The following GATAD2A variants were observed in gnomAD, a reference collection of about 807,000 sequenced individuals.
The protein encoded by GATAD2A is transcriptional repressor p66-alpha.
In GATAD2A, 12 loss-of-function variants were observed where a neutral mutation model predicts 68.5. The observed-to-expected ratio is 0.18, with a 90% CI of 0.11 to 0.28. GATAD2A has a LOEUF of 0.28. GATAD2A is among the 10% of genes least tolerant of loss of function. The pLI is 1.00. For synonymous variants in GATAD2A, 410 were observed against 375.3 expected (o/e 1.09, Z -1.07); for missense variants, 755 against 868.5 (o/e 0.87, Z 1.64).
intron 10 of GATAD2A, 47 bp downstream of exon 10, chr19:19,502,090 C>A: frequency 7.1e-7 from 1 of 1,405,004 alleles, no homozygotes; most frequent in Non-Finnish European, 1.0e-6. Flanking sequence ...CCACCGCAGC[C>A]CGTGACCACG....
At position 19,492,673 on chromosome 19, in the gene GATAD2A, G is replaced by A. The variant is rs770341288; in HGVS notation, c.495G>A (p.Leu165=). Residue 165 remains leucine (L), a synonymous_variant, in exon 4 of 12, where the codon TTG becomes TTA. Transcript: ENST00000683918. ...CAAAACTCGTGTTGTTGAAAAAGTTGCGGCAGAGTCAAATACAAAAGGAAG... is the reference window on the plus strand; with the variant it reads ...CAAAACTCGTGTTGTTGAAAAAGTTACGGCAGAGTCAAATACAAAAGGAAG... ...EEAKLVLLKK[L]RQSQIQKEAT... is the part of the protein sequence containing the mutation. 1.5e-5 allele frequency: 24 copies of A among 1,614,076 alleles called. No individual in the cohort carries two copies. The highest frequency in any genetic ancestry group is 1.9e-5 in the Non-Finnish European group (23 of 1,180,038).
At chr19:19,459,396 G>T in intron 1 of GATAD2A, among the ~76,000 whole-genome samples, 1 of 149,824 alleles carries the variant, frequency 6.7e-6, no homozygotes, top group African/African-American at 2.5e-5. Flanking sequence ...CCATGTAAAT[G>T]GTACTATGCT....
intron 1 of GATAD2A, among the ~76,000 whole-genome samples, chr19:19,413,144 TCAAGTTGGTG>T (rs1203412329): frequency 6.6e-6 from 1 of 152,238 alleles, no homozygotes; most frequent in African/African-American, 2.4e-5. Flanking sequence ...TGCTGGGGTT[TCAAGTTGGTG>T]GAATTTGGTG....
chr19:19,496,509 C>T (rs779281489), intron 7 of GATAD2A, among the ~76,000 whole-genome samples: 6 of 152,220 alleles, frequency 3.9e-5, no homozygotes, highest in Non-Finnish European at 8.8e-5. Context: ...TTACCAGCCC[C>T]ATGGCTGAGG....
intron 2 of GATAD2A, 137 bp downstream of exon 2, chr19:19,465,751 C>A: frequency 9.9e-7 from 1 of 1,006,010 alleles, no homozygotes; most frequent in Non-Finnish European, 1.4e-6. Context: ...TCAGCTCGGG[C>A]ATCACCCACC....
intron 1 of GATAD2A, among the ~76,000 whole-genome samples, chr19:19,439,451 A>G (rs569194981): frequency 8.5e-5 from 13 of 152,166 alleles, no homozygotes; most frequent in African/African-American, 3.1e-4. Context: ...TGGGTTGGCA[A>G]GCACATGGAG....
intron 1 of GATAD2A, among the ~76,000 whole-genome samples, chr19:19,399,244 ACTT>A (rs1176854056): frequency 6.8e-6 from 1 of 147,312 alleles, no homozygotes; most frequent in African/African-American, 2.5e-5. Flanking sequence ...ACAAAAACCT[ACTT>A]TTTTTTTTTT....
At chr19:19,391,593 G>T (rs1450770949) in intron 1 of GATAD2A, among the ~76,000 whole-genome samples, 1 of 152,128 alleles carries the variant, frequency 6.6e-6, no homozygotes, top group South Asian at 2.1e-4. Context: ...GGATGGTGGG[G>T]CCACCACCAA....
At chr19:19,498,268 C>T (rs1038098405) in intron 7 of GATAD2A, among the ~76,000 whole-genome samples, 175 bp from the exon 8 acceptor site, 51 of 152,270 alleles carry the variant, frequency 3.3e-4, no homozygotes, top group African/African-American at 1.2e-3. Context: ...GCGCCTCTCC[C>T]TGCTGCCCTG....
intron 1 of GATAD2A, among the ~76,000 whole-genome samples, chr19:19,462,393 C>A (rs1358661279): frequency 6.6e-6 from 1 of 152,196 alleles, no homozygotes; most frequent in Non-Finnish European, 1.5e-5. Flanking sequence ...CACTCGGGGG[C>A]TGGCCCCACC....
At chr19:19,496,365 G>T in intron 7 of GATAD2A, 146 bp downstream of exon 7, 1 of 737,152 alleles carries the variant, frequency 1.4e-6, no homozygotes, top group South Asian at 1.7e-5. Flanking sequence ...GCAGGGGCTT[G>T]GACTTGAGCT....
intron 1 of GATAD2A, among the ~76,000 whole-genome samples, chr19:19,395,705 G>A (rs184439128): frequency 4.1e-4 from 62 of 152,242 alleles, no homozygotes; most frequent in African/African-American, 1.4e-3. Context: ...TAAAGAATCC[G>A]ACAGTAGATA....
chr19:19,468,717 C>G (rs1237503409), intron 2 of GATAD2A, among the ~76,000 whole-genome samples: 1 of 152,166 alleles, frequency 6.6e-6, no homozygotes, highest in Non-Finnish European at 1.5e-5. Context: ...AAAAACAGTC[C>G]TTCAAAAATG....
At chr19:19,466,974 G>T (rs1323343900) in intron 2 of GATAD2A, among the ~76,000 whole-genome samples, 1 of 152,174 alleles carries the variant, frequency 6.6e-6, no homozygotes, top group Non-Finnish European at 1.5e-5. Context: ...ATGTGCATGG[G>T]GTCCCTTGTG....
chr19:19,480,495 A>G (rs1459852663), intron 2 of GATAD2A, among the ~76,000 whole-genome samples: 1 of 152,246 alleles, frequency 6.6e-6, no homozygotes, highest in South Asian at 2.1e-4. Context: ...CAGGCTTTGC[A>G]TGAATGCTCA....
chr19:19,497,413 C>G (rs923926771), intron 7 of GATAD2A, among the ~76,000 whole-genome samples: 1 of 152,204 alleles, frequency 6.6e-6, no homozygotes, highest in Non-Finnish European at 1.5e-5. Flanking sequence ...GAACTTTTAT[C>G]CAGTCCTTTC....
rs747448442 is a variant in GATAD2A at position 19,502,051 on chromosome 19, C to T, written c.1578+8C>T. ...AACGGGGCTGTGCTACAGGTCAGAA[C>T]CGCACTGGGCGCCGGGAGCCTCGCG... On this transcript the variant is annotated splice_region_variant and intron_variant, in intron 10 of 11. Coordinates refer to ENST00000683918, the MANE Select transcript of GATAD2A (RefSeq NM_001384528.1). 6.2e-7 allele frequency: 1 copy of T among 1,608,566 alleles called. No homozygotes were observed. The highest frequency in any genetic ancestry group is 8.5e-7 in the Non-Finnish European group (1 of 1,175,768).
At chr19:19,420,534 G>T (rs1217949805) in intron 1 of GATAD2A, among the ~76,000 whole-genome samples, 1 of 148,440 alleles carries the variant, frequency 6.7e-6, no homozygotes, top group Non-Finnish European at 1.5e-5. Context: ...TAGAGATGGG[G>T]TTTCACTGTG....
intron 1 of GATAD2A, among the ~76,000 whole-genome samples, chr19:19,388,906 G>C (rs922831149): frequency 6.6e-6 from 1 of 152,108 alleles, no homozygotes; most frequent in Non-Finnish European, 1.5e-5. Flanking sequence ...TCGTAGGCCA[G>C]TTTGGTTTGA....
Sources: allele counts gnomAD v4.1 joint callset (sites outside exome capture counted in the v4.1 genomes callset), GRCh38; gene constraint gnomAD v4.1.1; transcripts MANE v1.5; gene names NCBI Gene and HGNC (gene_info 2026-07-23, HGNC 2026-07-21).